The following EYS variants were observed in gnomAD, a reference collection of about 807,000 sequenced individuals.
The protein encoded by EYS is EGF-like photoreceptor maintenance factor.
In EYS, 250 loss-of-function variants were observed where a neutral mutation model predicts 282.1. The ratio of observed to expected loss-of-function variants is 0.89; its 90% CI spans 0.80 to 0.98. EYS has a LOEUF of 0.98. Ranked by LOEUF, EYS falls within the 50% of genes least tolerant of loss-of-function variation. EYS has a pLI of 0.00. For missense variants in EYS, 4,016 were observed against 3,709.0 expected, an observed-to-expected ratio of 1.08 and a Z score of -2.15; for synonymous variants, 1,355 against 1,282.9, an observed-to-expected ratio of 1.06 and a Z score of -1.20.
intron 12 of EYS, among the ~76,000 whole-genome samples, chr6:65,269,601 C>A (rs1767844432): frequency 6.6e-6 from 1 of 152,098 alleles, no homozygotes; most frequent in Non-Finnish European, 1.5e-5. Context: ...ATTCAGCCTG[C>A]TATAACAAAG....
At chr6:63,834,540 AAGTC>A (rs1465888176) in intron 36 of EYS, among the ~76,000 whole-genome samples, 7 of 151,684 alleles carry the variant, frequency 4.6e-5, no homozygotes, top group Non-Finnish European at 1.0e-4. Flanking sequence ...AATCATTAAA[AAGTC>A]AGGAAACAAC....
At chr6:63,778,201 C>G in intron 39 of EYS, 21 bp from the exon 40 acceptor site, 1 of 1,549,664 alleles carries the variant, frequency 6.5e-7, no homozygotes, top group Non-Finnish European at 8.7e-7. Flanking sequence ...TGCAAAAACA[C>G]TTCGTGTTAA....
chr6:64,812,719 A>G (rs2150015620), intron 22 of EYS, among the ~76,000 whole-genome samples: 1 of 152,110 alleles, frequency 6.6e-6, no homozygotes, highest in Admixed American at 6.6e-5. Flanking sequence ...TCCTAGCACA[A>G]ATGAGACTGA....
chr6:65,384,533 A>T, intron 7 of EYS, 33 bp from the exon 8 acceptor site: 1 of 1,050,514 alleles, frequency 9.5e-7, no homozygotes, highest in Non-Finnish European at 1.5e-6. Flanking sequence ...TAGAAAAATT[A>T]TAATTTAAAT....
At chr6:64,306,669 G>T (rs993779522) in intron 30 of EYS, among the ~76,000 whole-genome samples, 7 of 152,104 alleles carry the variant, frequency 4.6e-5, no homozygotes, top group African/African-American at 1.7e-4. Context: ...TTGTCAGCAT[G>T]CTTCATTTTT....
chr6:64,935,308 C>T (rs529952328), intron 15 of EYS, among the ~76,000 whole-genome samples: 1 of 151,718 alleles, frequency 6.6e-6, no homozygotes, highest in Non-Finnish European at 1.5e-5. Context: ...TCAGTAATTA[C>T]AGTAAGTGCA....
chr6:63,927,700 T>G (rs1255633340), intron 35 of EYS, among the ~76,000 whole-genome samples: 2 of 152,216 alleles, frequency 1.3e-5, no homozygotes, highest in African/African-American at 2.4e-5. Context: ...AACCAGTTGC[T>G]GCTGAATCTC....
chr6:65,216,750 C>G (rs1277389319), intron 12 of EYS, among the ~76,000 whole-genome samples: 2 of 151,686 alleles, frequency 1.3e-5, no homozygotes, highest in Non-Finnish European at 2.9e-5. Flanking sequence ...CAATCTTAAA[C>G]TGTTATAATT....
chr6:64,688,819 TG>T, intron 22 of EYS, among the ~76,000 whole-genome samples: 1 of 152,116 alleles, frequency 6.6e-6, no homozygotes, highest in Non-Finnish European at 1.5e-5. Context: ...ATGTTGACAG[TG>T]GGGTGTTAAA....
At chr6:64,995,499 T>C (rs897412338) in intron 14 of EYS, among the ~76,000 whole-genome samples, 2 of 152,154 alleles carry the variant, frequency 1.3e-5, no homozygotes, top group African/African-American at 2.4e-5. Context: ...AGCTATGAAA[T>C]GCTTTGAGCT....
At chr6:64,019,335 T>C (rs1562154159) in intron 33 of EYS, among the ~76,000 whole-genome samples, 1 of 152,176 alleles carries the variant, frequency 6.6e-6, no homozygotes, top group Non-Finnish European at 1.5e-5. Flanking sequence ...AAATTTCTGT[T>C]GTTTTAGGCC....
intron 12 of EYS, among the ~76,000 whole-genome samples, chr6:65,109,868 T>G (rs114305855): frequency 6.6e-6 from 1 of 152,136 alleles, no homozygotes; most frequent in African/African-American, 2.4e-5. Context: ...TTGTATTATA[T>G]ACGTGTTTTA....
At chr6:64,079,347 A>G (rs564225532) in intron 32 of EYS, among the ~76,000 whole-genome samples, 2 of 152,158 alleles carry the variant, frequency 1.3e-5, no homozygotes, top group Non-Finnish European at 2.9e-5. Context: ...TATAACATAA[A>G]TTCTTTGTTT....
chr6:64,453,053 A>G (rs1008538831), intron 26 of EYS, among the ~76,000 whole-genome samples: 1 of 152,188 alleles, frequency 6.6e-6, no homozygotes, highest in Non-Finnish European at 1.5e-5. Context: ...AAAAGAAACC[A>G]CCATCAGAGT....
intron 26 of EYS, among the ~76,000 whole-genome samples, chr6:64,518,351 A>T (rs1777624751): frequency 1.3e-5 from 2 of 151,670 alleles, no homozygotes; most frequent in Admixed American, 1.3e-4. Context: ...CCGTCATGTA[A>T]TCTAGCCCGG....
chr6:64,766,171 G>A (rs1460126906), intron 22 of EYS, among the ~76,000 whole-genome samples: 6 of 150,900 alleles, frequency 4.0e-5, no homozygotes, highest in East Asian at 2.0e-4. Context: ...CAGGGGATCC[G>A]CCTGGCTCAG....
At chr6:65,543,030 T>G (rs1483293448) in intron 2 of EYS, among the ~76,000 whole-genome samples, 1 of 152,160 alleles carries the variant, frequency 6.6e-6, no homozygotes, top group Non-Finnish European at 1.5e-5. Context: ...TTTTATTTAT[T>G]TATTTAGAGA....
rs565021441 is a variant in EYS at position 64,040,630 on chromosome 6, T to G, written c.6725+25708A>C. 1.1e-3 allele frequency among the ~76,000 whole-genome samples: 160 copies of G among 152,298 alleles called. 1 individual carries two copies. The highest frequency in any genetic ancestry group is 1.6e-3 in the Non-Finnish European group (109 of 68,018). On this transcript the variant is annotated intron_variant, in intron 33 of 42. Coordinates refer to ENST00000503581, the MANE Select transcript of EYS (RefSeq NM_001142800.2). ...TTAGTTTATAACCTAGACCCAAGAT[T>G]GAAAAACTAAGGACAAAGAGTCAAA...
At chr6:63,729,205 T>C (rs1768716085) in intron 41 of EYS, among the ~76,000 whole-genome samples, 1 of 152,184 alleles carries the variant, frequency 6.6e-6, no homozygotes, top group Admixed American at 6.5e-5. Flanking sequence ...AATTCCTTGT[T>C]TACTTTGGAT....
Sources: allele counts gnomAD v4.1 joint callset (sites outside exome capture counted in the v4.1 genomes callset), GRCh38; gene constraint gnomAD v4.1.1; transcripts MANE v1.5; gene names NCBI Gene and HGNC (gene_info 2026-07-23, HGNC 2026-07-21).